Variants in PSTPIP2 observed in about 807,000 individuals in gnomAD.
PSTPIP2 encodes proline-serine-threonine phosphatase-interacting protein 2.
In PSTPIP2, 33 loss-of-function variants were observed where a neutral mutation model predicts 63.3. The ratio of observed to expected loss-of-function variants is 0.52; its 90% CI spans 0.40 to 0.70. The LOEUF is 0.70. PSTPIP2 is among the 30% of genes least tolerant of loss of function. The pLI is 0.00. For synonymous variants in PSTPIP2, 125 were observed against 132.7 expected, an observed-to-expected ratio of 0.94 and a Z score of 0.40; for missense variants, 312 against 400.7, an observed-to-expected ratio of 0.78 and a Z score of 1.89.
At chr18:46,059,330 C>T (rs1908903319) in intron 1 of PSTPIP2, among the ~76,000 whole-genome samples, 1 of 152,126 alleles carries the variant, frequency 6.6e-6, no homozygotes, top group Admixed American at 6.5e-5. Context: ...CTCACTGCAA[C>T]CTCTGCCTTC....
chr18:46,049,567 C>T (rs1346849489), intron 1 of PSTPIP2, among the ~76,000 whole-genome samples: 1 of 151,980 alleles, frequency 6.6e-6, no homozygotes, highest in African/African-American at 2.4e-5. Flanking sequence ...GCATAATGAG[C>T]TCTAAAAATC....
At chr18:46,021,257 C>G (rs894413870) in intron 3 of PSTPIP2, among the ~76,000 whole-genome samples, 1 of 152,010 alleles carries the variant, frequency 6.6e-6, no homozygotes, top group South Asian at 2.1e-4. Context: ...ATAAACGTAA[C>G]TATAAGTAAA....
Position 45,984,291 on chromosome 18 carries a change from G to T in PSTPIP2, c.*1168C>A, listed in dbSNP as rs979909164. 1 of 152,180 alleles carries T rather than the reference G, an allele frequency of 6.6e-6. No homozygotes were observed. Among genetic ancestry groups the T allele is most frequent in the South Asian group, 2.1e-4 (1 of 4,830 alleles). 9.4% of individuals were successfully genotyped at this position (152,180 alleles called of 1,614,324 possible). A position where few individuals can be genotyped will look rare whatever the true frequency, so the allele number is the denominator to read the frequency against. On this transcript the variant is annotated 3_prime_UTR_variant, in exon 15 of 15. Coordinates refer to ENST00000409746, the MANE Select transcript of PSTPIP2 (RefSeq NM_024430.4). ...AAAACTGAGAGTGCTATTTTAACTT[G>T]TCAATAACTAAAAGGTACCATTTTC... is the stretch of plus-strand genomic sequence containing the variant.
At chr18:46,044,958 G>T (rs1908331479) in intron 1 of PSTPIP2, among the ~76,000 whole-genome samples, 1 of 152,210 alleles carries the variant, frequency 6.6e-6, no homozygotes, top group African/African-American at 2.4e-5. Flanking sequence ...ACCACAATGA[G>T]ATACCATCTC....
chr18:46,028,697 T>C, intron 2 of PSTPIP2: 1 of 871,824 alleles, frequency 1.1e-6, no homozygotes, highest in Non-Finnish European at 1.9e-6. Flanking sequence ...GGAAAGATAA[T>C]GATGAAAAAT....
intron 2 of PSTPIP2, among the ~76,000 whole-genome samples, chr18:46,037,027 G>T (rs1908006740): frequency 6.6e-6 from 1 of 152,176 alleles, no homozygotes; most frequent in Non-Finnish European, 1.5e-5. Flanking sequence ...ACAAGAGGTG[G>T]TTGTTCAAAA....
intron 1 of PSTPIP2, among the ~76,000 whole-genome samples, chr18:46,062,065 G>C (rs531477235): frequency 7.0e-4 from 107 of 152,298 alleles, no homozygotes; most frequent in Admixed American, 2.7e-3. Context: ...TGGCAGTTCA[G>C]CTTGCATGCC....
At chr18:46,053,447 C>G (rs138715308) in intron 1 of PSTPIP2, among the ~76,000 whole-genome samples, 28 of 152,234 alleles carry the variant, frequency 1.8e-4, no homozygotes, top group African/African-American at 6.5e-4. Context: ...ACATGTTCAT[C>G]GAAGTCCAAT....
Position 46,058,152 on chromosome 18 carries a change from C to A in PSTPIP2, c.33+14004G>T, listed in dbSNP as rs534646125. Among the ~76,000 whole-genome samples the A allele has an allele frequency of 4.6e-3, 694 of 152,156 alleles. 5 individuals carry two copies. Among genetic ancestry groups the A allele is most frequent in the Non-Finnish European group, 7.8e-3 (530 of 68,020 alleles). On this transcript the variant is annotated intron_variant, in intron 1 of 14. Transcript: ENST00000409746. ...CATGATAATAAGTACACTTCTTCAACATCTCATGTAGACAATTACACTTGC... is the reference window on the plus strand; with the variant it reads ...CATGATAATAAGTACACTTCTTCAAAATCTCATGTAGACAATTACACTTGC...
At chr18:46,016,002 G>A in intron 3 of PSTPIP2, 65 bp from the exon 4 acceptor site, 1 of 1,527,886 alleles carries the variant, frequency 6.5e-7, no homozygotes, top group Admixed American at 1.8e-5. Context: ...TTATTATAAT[G>A]CCTTTGCATG....
At position 46,014,725 on chromosome 18, in the gene PSTPIP2, T is replaced by A. The variant is rs184877998; in HGVS notation, c.247+1178A>T. Among the ~76,000 whole-genome samples, 392 of 152,104 alleles carry A rather than the reference T, an allele frequency of 2.6e-3. 1 individual carries two copies. Among genetic ancestry groups the A allele is most frequent in the Middle Eastern group, 0.014 (4 of 294 alleles). On this transcript the variant is annotated intron_variant, in intron 4 of 14. Transcript: ENST00000409746. ...GCCCTGACTTTAAAAAAAATAAAAA[T>A]AAACAGATATGAAACTTCCTTAGGC...
chr18:45,998,767 C>T lies in PSTPIP2; in HGVS notation c.562+27G>A, dbSNP rs375567524. The stretch of plus-strand genomic sequence containing the variant: ...AACGTAAACCCCACCAGCAACCCTC[C>T]CCCATCCGTAGGAACTGCCCCCTCA... On this transcript the variant is annotated intron_variant, in intron 8 of 14. Transcript: ENST00000409746. The T allele has an allele frequency of 8.1e-6, 13 of 1,611,176 alleles. 1 individual carries two copies. Among genetic ancestry groups the T allele is most frequent in the South Asian group, 5.5e-5 (5 of 90,822 alleles).
chr18:46,039,423 G>A (rs958784491), intron 2 of PSTPIP2, among the ~76,000 whole-genome samples: 1 of 151,858 alleles, frequency 6.6e-6, no homozygotes, highest in African/African-American at 2.4e-5. Flanking sequence ...CTAACCACGT[G>A]GGCCATCTGA....
rs559591410 is a variant in PSTPIP2, at chr18:46,071,703, C to G, written c.33+453G>C. On this transcript the variant is annotated intron_variant, in intron 1 of 14. Coordinates refer to ENST00000409746, the MANE Select transcript of PSTPIP2 (RefSeq NM_024430.4). The stretch of plus-strand genomic sequence containing the variant: ...AAGCTCACAAGCCCCCACACCAGAT[C>G]CCCCCAGATCCTCTCACGGCTCAGC... Among the ~76,000 whole-genome samples, 4 of 152,350 alleles carry G rather than the reference C, an allele frequency of 2.6e-5. No individual in the cohort carries two copies. The South Asian group carries it at 8.3e-4, about 32-fold the overall frequency.
At chr18:46,054,749 C>T (rs1442194497) in intron 1 of PSTPIP2, among the ~76,000 whole-genome samples, 2 of 151,436 alleles carry the variant, frequency 1.3e-5, no homozygotes, top group Admixed American at 6.6e-5. Flanking sequence ...CAACCTCTGC[C>T]TCCTGGGTTC....
At chr18:45,988,371 A>T (rs1381185698) in intron 14 of PSTPIP2, among the ~76,000 whole-genome samples, 4 of 149,416 alleles carry the variant, frequency 2.7e-5, no homozygotes, top group African/African-American at 1.0e-4. Flanking sequence ...GGATGTGGAG[A>T]TTGCAGTGAG....
At chr18:46,023,772 TC>T (rs1907469980) in intron 3 of PSTPIP2, among the ~76,000 whole-genome samples, 1 of 151,954 alleles carries the variant, frequency 6.6e-6, no homozygotes, top group East Asian at 1.9e-4. Flanking sequence ...CTATGTCTCT[TC>T]AGAGGTCCTA....
At chr18:46,027,686 TATAAA>T (rs754735734) in intron 2 of PSTPIP2, among the ~76,000 whole-genome samples, 18 of 152,162 alleles carry the variant, frequency 1.2e-4, no homozygotes, top group South Asian at 2.1e-4. Flanking sequence ...TAAGACCCTG[TATAAA>T]ATAAAATAAA....
rs577856842 is a variant in PSTPIP2, at chr18:46,056,476, G to A, written c.33+15680C>T. On this transcript the variant is annotated intron_variant, in intron 1 of 14. Coordinates refer to ENST00000409746, the MANE Select transcript of PSTPIP2 (RefSeq NM_024430.4). Reference sequence around the variant, plus strand: ...TGCCTGTAATCCTAGTGCTTTGGGAGGCCAAGGTGGGAGGATCGCTTGGGC... The same window carrying A: ...TGCCTGTAATCCTAGTGCTTTGGGAAGCCAAGGTGGGAGGATCGCTTGGGC... 1.7e-3 allele frequency among the ~76,000 whole-genome samples: 261 copies of A among 152,356 alleles called. 1 individual carries two copies. The highest frequency in any genetic ancestry group is 4.8e-3 in the African/African-American group (198 of 41,592).
Sources: gnomAD v4.1 joint callset for allele counts (sites outside exome capture counted in the v4.1 genomes callset) on GRCh38, gnomAD v4.1.1 for gene constraint, MANE v1.5 for transcripts, NCBI Gene and HGNC (gene_info 2026-07-23, HGNC 2026-07-21) for gene names.